Variants in DELE1 observed in about 807,000 individuals in gnomAD.
The protein encoded by DELE1 is DAP3 binding cell death enhancer 1, also known as death ligand signal enhancer.
A neutral mutation model predicts 59.3 loss-of-function variants in DELE1; 54 were observed. That is an observed-to-expected ratio of 0.91 (90% confidence interval 0.73 to 1.14). The LOEUF is 1.14. Among genes scored for constraint, DELE1 ranks in the 50% most tolerant of loss-of-function variants. The probability of loss-of-function intolerance (pLI) is 0.00; values close to 1 mark genes in which losing one functional copy is unlikely to be tolerated. For missense variants in DELE1, 636 were observed against 643.9 expected, an observed-to-expected ratio of 0.99 and a Z score of 0.13; for synonymous variants, 264 against 259.1, an observed-to-expected ratio of 1.02 and a Z score of -0.18.
intron 1 of DELE1, 36 bp downstream of exon 1, chr5:141,924,008 C>T (rs756671897): frequency 1.3e-6 from 2 of 1,599,892 alleles, no homozygotes; most frequent in Non-Finnish European, 1.7e-6. Flanking sequence ...TCACTCTGGG[C>T]CGCAAAGACC....
intron 1 of DELE1, 35 bp downstream of exon 1, chr5:141,924,007 G>C: frequency 6.2e-7 from 1 of 1,601,872 alleles, no homozygotes; most frequent in Non-Finnish European, 8.5e-7. Flanking sequence ...GTCACTCTGG[G>C]CCGCAAAGAC....
chr5:141,929,290 C>T (rs915742675), intron 4 of DELE1, among the ~76,000 whole-genome samples: 1 of 152,246 alleles, frequency 6.6e-6, no homozygotes, highest in Non-Finnish European at 1.5e-5. Context: ...GCTCTGTCAC[C>T]CAGGCTGGAG....
intron 7 of DELE1, among the ~76,000 whole-genome samples, chr5:141,932,976 A>T (rs930813793): frequency 6.6e-6 from 1 of 150,954 alleles, no homozygotes; most frequent in African/African-American, 2.4e-5. Flanking sequence ...GCATCTGTAA[A>T]CCCAGCTACT....
At chr5:141,933,485 A>G in intron 8 of DELE1, 84 bp downstream of exon 8, 1 of 1,128,488 alleles carries the variant, frequency 8.9e-7, no homozygotes, top group Non-Finnish European at 1.2e-6. Flanking sequence ...GGGATGGGGG[A>G]AAGTTTGGCT....
Position 141,933,343 on chromosome 5 carries a change from A to G in DELE1, c.839A>G (p.Gln280Arg). ...GCAGCCCGCGGCTACAGCAAAGCGCAGTACAATGCGGGCTTGTGTCATGAG... is the reference window on the plus strand; with the variant it reads ...GCAGCCCGCGGCTACAGCAAAGCGCGGTACAATGCGGGCTTGTGTCATGAG... ...KAAARGYSKA[Q>R]YNAGLCHEHG... The change falls in exon 8 of 12, where the codon CAG becomes CGG. Residue 280 changes from glutamine to arginine, a missense_variant. By Grantham distance (43) the Gln-to-Arg change is conservative. Coordinates refer to ENST00000432126, the MANE Select transcript of DELE1 (RefSeq NM_014773.5). 1.3e-6 allele frequency: 2 copies of G among 1,553,466 alleles called. No homozygotes were observed. Among genetic ancestry groups the G allele is most frequent in the South Asian group, 1.2e-5 (1 of 84,926 alleles).
chr5:141,934,379 C>T lies in DELE1; in HGVS notation c.1037C>T (p.Ala346Val), dbSNP rs1461487100. ...QRAVSLLKQAADSGLREAQAF... is the reference protein window; with the variant it reads ...QRAVSLLKQAVDSGLREAQAF... The stretch of plus-strand genomic sequence containing the variant: ...GCAGTGTCCTTGCTGAAGCAGGCTG[C>T]AGACTCAGGCTTGAGAGAGGTGAGT... Residue 346 changes from alanine (A) to valine (V), a missense_variant, in exon 9 of 12, where the codon GCA becomes GTA. Coordinates refer to ENST00000432126, the MANE Select transcript of DELE1 (RefSeq NM_014773.5). 2 of 1,614,126 alleles carry T rather than the reference C, an allele frequency of 1.2e-6. No homozygotes were observed. The highest frequency in any genetic ancestry group is 1.7e-6 in the Non-Finnish European group (2 of 1,180,046).
At position 141,941,963 on chromosome 5, in the gene DELE1, G is replaced by A. The variant is rs55913646; in HGVS notation, c.*3204G>A. ...CCCCCCACTCGCCGCCTATACACAC[G>A]CACACACGCACACACACACACACGG... On this transcript the variant is annotated 3_prime_UTR_variant, in exon 12 of 12. Transcript: ENST00000432126. The A allele has an allele frequency of 0.017, 17,025 of 984,146 alleles. 2,132 individuals are homozygous for A. The African/African-American group carries it at 0.28, about 16-fold the overall frequency. 61.0% of individuals were successfully genotyped at this position (984,146 alleles called of 1,614,324 possible).
At chr5:141,925,332 A>G (rs1286406341) in intron 2 of DELE1, 78 bp from the exon 3 acceptor site, 2 of 914,950 alleles carry the variant, frequency 2.2e-6, no homozygotes, top group Non-Finnish European at 3.3e-6. Flanking sequence ...AATTGTTGGG[A>G]TTACAGGTGT....
chr5:141,928,105 A>T (rs1159181799), intron 3 of DELE1, 46 bp from the exon 4 acceptor site: 1 of 1,580,102 alleles, frequency 6.3e-7, no homozygotes, highest in South Asian at 1.2e-5. Context: ...GGTCTGATGG[A>T]GTTGATTGGT....
intron 11 of DELE1, 32 bp from the exon 12 acceptor site, chr5:141,938,489 A>T (rs1424739194): frequency 2.5e-6 from 4 of 1,601,570 alleles, no homozygotes; most frequent in Non-Finnish European, 3.4e-6. Flanking sequence ...ATATACAGCA[A>T]GAGTAAGAGT....
Position 141,938,849 on chromosome 5 carries a change from C to T in DELE1, c.*90C>T, listed in dbSNP as rs182564746. ...AAAATAGAGCATCAGCAACCCTTTC[C>T]AGGTAGAAATTCCAGCGGGAGTTCA... On this transcript the variant is annotated 3_prime_UTR_variant, in exon 12 of 12. Coordinates refer to ENST00000432126, the MANE Select transcript of DELE1 (RefSeq NM_014773.5). The T allele has an allele frequency of 1.7e-4, 256 of 1,501,522 alleles. No homozygotes were observed. The African/African-American group carries it at 2.9e-3, about 17-fold the overall frequency. 93.0% of individuals were successfully genotyped at this position (1,501,522 alleles called of 1,614,324 possible).
At chr5:141,930,370 G>A (rs1430926475) in intron 7 of DELE1, 96 bp downstream of exon 7, 7 of 874,190 alleles carry the variant, frequency 8.0e-6, no homozygotes, top group African/African-American at 5.0e-5. Context: ...TGGCTTAAAC[G>A]AGAGATTTTA....
At position 141,941,275 on chromosome 5, in the gene DELE1, G is replaced by C; in HGVS notation, c.*2516G>C. On this transcript the variant is annotated 3_prime_UTR_variant, in exon 12 of 12. Transcript: ENST00000432126. ...CCTGAGTGGCTCTCCCTCCCACTCA[G>C]TCACTACTGAGCTAAGTACTGATTC... 1.0e-6 allele frequency: 1 copy of C among 985,534 alleles called. No individual in the cohort carries two copies. The highest frequency in any genetic ancestry group is 1.2e-6 in the Non-Finnish European group (1 of 829,982). 61.0% of individuals were successfully genotyped at this position (985,534 alleles called of 1,614,324 possible).
At position 141,934,564 on chromosome 5, in the gene DELE1, T is replaced by G; in HGVS notation, c.1127T>G (p.Leu376Arg). The change falls in exon 10 of 12, where the codon CTT becomes CGT. Residue 376 changes from leucine to arginine, a missense_variant. Physicochemically the swap from Leu to Arg is moderately radical, Grantham distance 102 (BLOSUM62 -2). Coordinates refer to ENST00000432126, the MANE Select transcript of DELE1 (RefSeq NM_014773.5). ...YLDEQRAVKYLWLAANNGDSQ... is the reference protein window; with the variant it reads ...YLDEQRAVKYRWLAANNGDSQ... ...GATGAGCAGAGAGCTGTGAAATATC[T>G]TTGGCTTGCAGCCAACAATGGGGTA... The G allele has an allele frequency of 6.2e-7, 1 of 1,614,258 alleles. No homozygotes were observed. The highest frequency in any genetic ancestry group is 8.5e-7 in the Non-Finnish European group (1 of 1,180,026).
intron 8 of DELE1, chr5:141,933,630 T>C (rs1472412414): frequency 3.5e-6 from 1 of 289,586 alleles, no homozygotes; most frequent in African/African-American, 2.2e-5. Context: ...ATCCTCAGCC[T>C]AGAATAGCAT....
chr5:141,938,828 T>C lies in DELE1; in HGVS notation c.*69T>C. On this transcript the variant is annotated 3_prime_UTR_variant, in exon 12 of 12. Transcript: ENST00000432126. The stretch of plus-strand genomic sequence containing the variant: ...CGGGCAGGAGGTTGGATAACAAAAA[T>C]AGAGCATCAGCAACCCTTTCCAGGT... The C allele has an allele frequency of 6.6e-7, 1 of 1,517,560 alleles. No individual in the cohort carries two copies. Among genetic ancestry groups the C allele is most frequent in the Non-Finnish European group, 8.8e-7 (1 of 1,138,146 alleles). The allele number at this position is 1,517,560 out of a possible 1,614,324, so 94.0% of individuals were successfully genotyped here. A position where few individuals can be genotyped will look rare whatever the true frequency, so the allele number is the denominator to read the frequency against.
At chr5:141,928,420 CAG>C in intron 4 of DELE1, 122 bp downstream of exon 4, 1 of 1,206,028 alleles carries the variant, frequency 8.3e-7, no homozygotes, top group South Asian at 1.5e-5. Flanking sequence ...TATCTGAAGT[CAG>C]AGGAAGAGGA....
Position 141,934,338 on chromosome 5 carries a change from C to A in DELE1, c.996C>A (p.Asn332Lys). The change falls in exon 9 of 12, where the codon AAC (asparagine) becomes AAA (lysine). Residue 332 changes from asparagine (N) to lysine (K), a missense_variant. Transcript: ENST00000432126. ...CLLRDPASSW[N>K]PERQRAVSLL... is the part of the protein sequence containing the mutation. ...TACGAGACCCAGCCTCTTCGTGGAA[C>A]CCTGAGCGGCAGAGGGCAGTGTCCT... 1 of 1,614,204 alleles carries A rather than the reference C, an allele frequency of 6.2e-7. No homozygotes were observed. The highest frequency in any genetic ancestry group is 1.7e-5 in the Admixed American group (1 of 60,028).
chr5:141,937,497 A>G (rs1752455406), intron 11 of DELE1, 140 bp downstream of exon 11: 2 of 936,612 alleles, frequency 2.1e-6, no homozygotes, highest in Non-Finnish European at 3.2e-6. Context: ...TGGGATGGGC[A>G]CGGTGGCTCA....
Sources: gnomAD v4.1 joint callset for allele counts (sites outside exome capture counted in the v4.1 genomes callset) on GRCh38, gnomAD v4.1.1 for gene constraint, MANE v1.5 for transcripts, NCBI Gene and HGNC (gene_info 2026-07-23, HGNC 2026-07-21) for gene names.